EBNA1BP2: variants seen among roughly 807,000 people sequenced by gnomAD.
EBNA1BP2 encodes the protein probable rRNA-processing protein EBP2.
EBNA1BP2 carries 36 observed loss-of-function variants against 43.5 expected under a neutral mutation model. That is an observed-to-expected ratio of 0.83 (90% CI 0.63 to 1.09). EBNA1BP2 has a LOEUF of 1.09. EBNA1BP2 is among the 50% of genes least tolerant of loss of function. EBNA1BP2 has a pLI of 0.00. For synonymous variants in EBNA1BP2, 127 were observed against 141.3 expected, an observed-to-expected ratio of 0.90 and a Z score of 0.72; for missense variants, 332 against 379.1, an observed-to-expected ratio of 0.88 and a Z score of 1.03.
rs1644906685 is a variant in EBNA1BP2 at position 43,164,675 on chromosome 1, C to T, written c.838G>A (p.Gly280Ser). 1.2e-6 allele frequency: 2 copies of T among 1,614,094 alleles called. No homozygotes were observed. Among genetic ancestry groups the T allele is most frequent in the African/African-American group, 1.3e-5 (1 of 74,928 alleles). Residue 280 changes from glycine to serine, a missense_variant, in exon 8 of 9, where the codon GGC becomes AGC. By Grantham distance (56) the Gly-to-Ser change is moderately conservative. Transcript: ENST00000236051. ...SFRAKTAHGR[G>S]LKRPGKKGSN... ...CCTTTCTTGCCAGGCCTCTTGAGGC[C>T]TCTGCCATGAGCTGTCTTGGCCCGG...
intron 8 of EBNA1BP2, 40 bp from the exon 9 acceptor site, chr1:43,164,533 T>C: frequency 1.2e-6 from 2 of 1,614,162 alleles, no homozygotes; most frequent in Non-Finnish European, 1.7e-6. Flanking sequence ...ACATAGCAGC[T>C]TGCCTTCTGC....
In EBNA1BP2 at chr1:43,166,865, C is replaced by A. The variant is rs7163; in HGVS notation, c.668G>T (p.Arg223Leu). ...LEGDQKPLAQRKKAGAKGQQM... is the reference protein window; with the variant it reads ...LEGDQKPLAQLKKAGAKGQQM... ...CTGGCCTTTGGCTCCTGCCTTCTTG[C>A]GCTGTGCCAGAGGTTTCTGATCTCC... The change falls in exon 7 of 9, where the codon CGC becomes CTC. Residue 223 changes from arginine (R) to leucine (L), a missense_variant. Around this residue, in one of 3 missense-constraint regions of EBNA1BP2, gnomAD observed 91 missense variants for 152.1 expected, o/e 0.60. Coordinates refer to ENST00000236051, the MANE Select transcript of EBNA1BP2 (RefSeq NM_006824.3). 1.2e-6 allele frequency: 2 copies of A among 1,612,398 alleles called. No homozygotes were observed. The highest frequency in any genetic ancestry group is 2.2e-5 in the East Asian group (1 of 44,886).
chr1:43,170,733 A>G (rs1424663318), intron 4 of EBNA1BP2, 23 bp downstream of exon 4: 2 of 1,599,288 alleles, frequency 1.3e-6, no homozygotes, highest in Non-Finnish European at 1.7e-6. Flanking sequence ...TTGACTTTCC[A>G]GAGGAAAACT....
chr1:43,171,507 C>T lies in EBNA1BP2; in HGVS notation c.295G>A (p.Glu99Lys). The T allele has an allele frequency of 6.2e-7, 1 of 1,610,472 alleles. No homozygotes were observed. The highest frequency in any genetic ancestry group is 8.5e-7 in the Non-Finnish European group (1 of 1,178,994). ...QNKDQKAVDP[E>K]DDFQREMSFY... ...CTCATCTCTCGCTGGAAGTCGTCTT[C>T]TGGATCAACAGCTTTCTGGTCCTTG... The change falls in exon 3 of 9, where the codon GAA (glutamate) becomes AAA (lysine). Residue 99 changes from glutamate (E) to lysine (K), a missense_variant. Around this residue, in one of 3 missense-constraint regions of EBNA1BP2, gnomAD observed 182 missense variants for 173.7 expected, o/e 1.05. Transcript: ENST00000236051.
At position 43,170,971 on chromosome 1, in the gene EBNA1BP2, G is replaced by A. The variant is rs1308977217; in HGVS notation, c.324-92C>T. On this transcript the variant is annotated intron_variant, in intron 3 of 8. Transcript: ENST00000236051. Reference sequence around the variant, plus strand: ...AATCATGAGTTATCCAAGCTCAGAAGGACTCTCAAAATCTGACCTCCATTA... The same window carrying A: ...AATCATGAGTTATCCAAGCTCAGAAAGACTCTCAAAATCTGACCTCCATTA... 1.5e-5 allele frequency: 21 copies of A among 1,435,958 alleles called. No homozygotes were observed. The Middle Eastern group carries it at 1.3e-3, about 87-fold the overall frequency. 89.0% of individuals were successfully genotyped at this position (1,435,958 alleles called of 1,614,324 possible). A position where few individuals can be genotyped will look rare whatever the true frequency, so the allele number is the denominator to read the frequency against.
chr1:43,172,105 G>T lies in EBNA1BP2; in HGVS notation c.14C>A (p.Pro5Gln), dbSNP rs762688890. The change falls in exon 1 of 9, where the codon CCG (proline) becomes CAG (glutamine). Residue 5 changes from proline to glutamine, a missense_variant. This residue lies in a region of EBNA1BP2 where 182 missense variants were observed against 173.7 expected (regional missense o/e 1.05). Coordinates refer to ENST00000236051, the MANE Select transcript of EBNA1BP2 (RefSeq NM_006824.3). MDTP[P>Q]LSDSESESDE... The stretch of plus-strand genomic sequence containing the variant: ...GGATTCCGACTCCGAATCCGAGAGC[G>T]GGGGAGTGTCCATCTCGCCGCACGC... The T allele has an allele frequency of 1.2e-6, 2 of 1,614,012 alleles. No individual in the cohort carries two copies. Among genetic ancestry groups the T allele is most frequent in the Non-Finnish European group, 1.7e-6 (2 of 1,180,038 alleles).
At chr1:43,164,575 G>C in intron 8 of EBNA1BP2, 68 bp downstream of exon 8, 1 of 1,613,968 alleles carries the variant, frequency 6.2e-7, no homozygotes, top group East Asian at 2.2e-5. Context: ...ACTGAAGGGA[G>C]AGGGCAGGGT....
At chr1:43,168,886 T>C in intron 5 of EBNA1BP2, 53 bp downstream of exon 5, 1 of 1,579,820 alleles carries the variant, frequency 6.3e-7, no homozygotes, top group South Asian at 1.1e-5. Flanking sequence ...CACGGCAATC[T>C]CATCTAACAC....
upstream of EBNA1BP2, chr1:43,172,381 G>C (rs1644996304): frequency 1.3e-6 from 2 of 1,551,436 alleles, no homozygotes; most frequent in Admixed American, 2.0e-5. Flanking sequence ...GAAAGTGTCC[G>C]GGTTGCTTAG....
upstream of EBNA1BP2, chr1:43,172,532 G>A: frequency 7.5e-7 from 1 of 1,325,032 alleles, no homozygotes; most frequent in South Asian, 1.3e-5. Context: ...AAAAGGAGCC[G>A]CGGGGGTGGG....
chr1:43,169,216 C>T (rs1490972525), intron 4 of EBNA1BP2, among the ~76,000 whole-genome samples, 188 bp from the exon 5 acceptor site: 5 of 152,144 alleles, frequency 3.3e-5, no homozygotes, highest in African/African-American at 1.2e-4. Context: ...AGAGTGAAGC[C>T]AGAGATTGAA....
At chr1:43,169,111 A>ATCTG in intron 4 of EBNA1BP2, 83 bp from the exon 5 acceptor site, 1 of 1,381,070 alleles carries the variant, frequency 7.2e-7, no homozygotes, top group Non-Finnish European at 1.0e-6. Flanking sequence ...GGGAACAGAT[A>ATCTG]TTCCCTGTTC....
In EBNA1BP2 at chr1:43,167,238, G is replaced by C; in HGVS notation, c.538-3C>G. On this transcript the variant is annotated splice_polypyrimidine_tract_variant and splice_region_variant and intron_variant, in intron 5 of 8. Transcript: ENST00000236051. ...TTCTGAAGAACCTCCGTTTGCACCT[G>C]TGATATGAACACAAGGACCGTTACA... 6.2e-7 allele frequency: 1 copy of C among 1,614,004 alleles called. No individual in the cohort carries two copies. The highest frequency in any genetic ancestry group is 8.5e-7 in the Non-Finnish European group (1 of 1,179,964).
rs1017342574 is a variant in EBNA1BP2 at position 43,172,113 on chromosome 1, G to C, written c.6C>G (p.Asp2Glu). 1 of 1,614,092 alleles carries C rather than the reference G, an allele frequency of 6.2e-7. No homozygotes were observed. Among genetic ancestry groups the C allele is most frequent in the South Asian group, 1.1e-5 (1 of 91,082 alleles). M[D>E]TPPLSDSESE... Reference sequence around the variant, plus strand: ...ACTCCGAATCCGAGAGCGGGGGAGTGTCCATCTCGCCGCACGCACGTCCCA... The same window carrying C: ...ACTCCGAATCCGAGAGCGGGGGAGTCTCCATCTCGCCGCACGCACGTCCCA... Residue 2 changes from aspartate (D) to glutamate (E), a missense_variant, in exon 1 of 9, where the codon GAC (aspartate) becomes GAG (glutamate). Asp to Glu is a conservative substitution (Grantham distance 45). This residue lies in a region of EBNA1BP2 where 182 missense variants were observed against 173.7 expected (regional missense o/e 1.05). Transcript: ENST00000236051.
chr1:43,171,856 G>C (rs753552184), intron 2 of EBNA1BP2, 30 bp downstream of exon 2: 1 of 1,611,266 alleles, frequency 6.2e-7, no homozygotes, highest in East Asian at 2.2e-5. Flanking sequence ...TCCCATGTCC[G>C]AGTACCCCCG....
intron 2 of EBNA1BP2, 112 bp from the exon 3 acceptor site, chr1:43,171,763 A>T (rs1644976527): frequency 1.3e-6 from 2 of 1,561,354 alleles, no homozygotes; most frequent in East Asian, 4.5e-5. Context: ...CCAGACAGGT[A>T]ATTGACCCTC....
At chr1:43,169,763 C>A (rs529902765) in intron 4 of EBNA1BP2, among the ~76,000 whole-genome samples, 1 of 152,152 alleles carries the variant, frequency 6.6e-6, no homozygotes, top group Non-Finnish European at 1.5e-5. Flanking sequence ...GAATCTGTGG[C>A]CTGTTAGGAA....
chr1:43,165,856 G>C (rs2124161303), intron 7 of EBNA1BP2, among the ~76,000 whole-genome samples: 1 of 152,222 alleles, frequency 6.6e-6, no homozygotes, highest in Middle Eastern at 3.4e-3. Context: ...CCCAAACCCA[G>C]CTTCTCTTCT....
At chr1:43,170,708 C>G (rs747770045) in intron 4 of EBNA1BP2, 48 bp downstream of exon 4, 1 of 1,583,840 alleles carries the variant, frequency 6.3e-7, no homozygotes, top group Non-Finnish European at 8.6e-7. Flanking sequence ...GCTGAATATG[C>G]TTAAGTACAA....
Sources: gnomAD v4.1 joint callset for allele counts (sites outside exome capture counted in the v4.1 genomes callset) on GRCh38, gnomAD v4.1.1 for gene constraint, gnomAD v4.1.1 regional missense constraint, MANE v1.5 for transcripts, NCBI Gene and HGNC (gene_info 2026-07-23, HGNC 2026-07-21) for gene names.